The following CHCHD3 variants were observed in gnomAD, a reference collection of about 807,000 sequenced individuals.
CHCHD3 encodes the protein MICOS complex subunit MIC19.
Under a neutral mutation model 38.2 loss-of-function variants are expected in CHCHD3, and 20 were observed. The ratio of observed to expected loss-of-function variants is 0.52; its 90% CI spans 0.37 to 0.76. CHCHD3 has a LOEUF of 0.76. Among genes scored for constraint, CHCHD3 ranks in the 30% least tolerant of loss-of-function variants. The pLI is 0.00. For missense variants in CHCHD3, 245 were observed against 279.2 expected (o/e 0.88, Z 0.87); for synonymous variants, 82 against 100.0 (o/e 0.82, Z 1.07).
chr7:133,023,814 A>G (rs1813257618), intron 3 of CHCHD3, among the ~76,000 whole-genome samples: 1 of 152,226 alleles, frequency 6.6e-6, no homozygotes, highest in Non-Finnish European at 1.5e-5. Context: ...ACACAGGGCT[A>G]TAACTGATGG....
chr7:133,081,304 G>A (rs779308962), intron 1 of CHCHD3, among the ~76,000 whole-genome samples: 1 of 151,828 alleles, frequency 6.6e-6, no homozygotes, highest in Non-Finnish European at 1.5e-5. Context: ...GAAGCAGGGA[G>A]AAGCCAGAAG....
chr7:132,897,924 G>T (rs1452579113), intron 4 of CHCHD3, among the ~76,000 whole-genome samples: 6 of 152,176 alleles, frequency 3.9e-5, no homozygotes, highest in Non-Finnish European at 8.8e-5. Flanking sequence ...TCCGGAGTTT[G>T]TTCCTTCTGA....
intron 1 of CHCHD3, among the ~76,000 whole-genome samples, chr7:133,072,517 G>A (rs770209269): frequency 6.6e-6 from 1 of 152,018 alleles, no homozygotes; most frequent in Non-Finnish European, 1.5e-5. Flanking sequence ...GCAGAGGAAG[G>A]ATTCAAACCC....
intron 4 of CHCHD3, among the ~76,000 whole-genome samples, chr7:132,943,536 A>G (rs1201431246): frequency 6.6e-6 from 1 of 152,142 alleles, no homozygotes; most frequent in Non-Finnish European, 1.5e-5. Context: ...CTGGTGAGAT[A>G]CCACATGCCA....
At chr7:133,010,813 A>G (rs1023123520) in intron 3 of CHCHD3, among the ~76,000 whole-genome samples, 10 of 152,220 alleles carry the variant, frequency 6.6e-5, no homozygotes, top group Non-Finnish European at 1.0e-4. Context: ...TCCTGACCTC[A>G]GGTGATCCGC....
intron 7 of CHCHD3, among the ~76,000 whole-genome samples, chr7:132,794,863 C>T (rs1806564060): frequency 6.6e-6 from 1 of 152,224 alleles, no homozygotes; most frequent in South Asian, 2.1e-4. Context: ...ACTCAAGCCC[C>T]AAGGTCACAG....
At chr7:132,913,726 G>A (rs1810025645) in intron 4 of CHCHD3, among the ~76,000 whole-genome samples, 1 of 152,124 alleles carries the variant, frequency 6.6e-6, no homozygotes, top group Non-Finnish European at 1.5e-5. Context: ...GGCACCACAG[G>A]GGGCTCAGGC....
At chr7:132,879,434 C>T (rs1471416384) in intron 5 of CHCHD3, among the ~76,000 whole-genome samples, 1 of 152,016 alleles carries the variant, frequency 6.6e-6, no homozygotes, top group African/African-American at 2.4e-5. Flanking sequence ...AAAGTGGATG[C>T]CATAGAGCAA....
chr7:132,948,189 C>T (rs1359661005), intron 4 of CHCHD3, among the ~76,000 whole-genome samples: 2 of 152,078 alleles, frequency 1.3e-5, no homozygotes, highest in African/African-American at 4.8e-5. Context: ...ACTTTACAGT[C>T]ACTCCCCATC....
intron 2 of CHCHD3, among the ~76,000 whole-genome samples, chr7:133,040,436 G>A (rs1286073381): frequency 6.6e-6 from 1 of 152,002 alleles, no homozygotes; most frequent in Non-Finnish European, 1.5e-5. Flanking sequence ...CCAGTACTGG[G>A]GTGAGAAAAC....
At chr7:133,051,997 GC>G (rs1234455705) in intron 2 of CHCHD3, 4 of 152,152 alleles carry the variant, frequency 2.6e-5, no homozygotes, top group African/African-American at 9.7e-5. Context: ...AGGTAAAACA[GC>G]CAGTTGGTTA....
intron 4 of CHCHD3, among the ~76,000 whole-genome samples, chr7:132,931,968 G>C (rs1810525412): frequency 1.3e-5 from 2 of 152,238 alleles, no homozygotes; most frequent in South Asian, 2.1e-4. Flanking sequence ...GTCAGAAATA[G>C]AACAAAATTT....
intron 6 of CHCHD3, among the ~76,000 whole-genome samples, chr7:132,811,648 A>G (rs879806220): frequency 2.6e-5 from 4 of 152,192 alleles, no homozygotes; most frequent in Admixed American, 2.0e-4. Flanking sequence ...AAATCCAATG[A>G]TTTTTAGTAG....
intron 3 of CHCHD3, among the ~76,000 whole-genome samples, chr7:133,011,498 T>C (rs536207825): frequency 1.2e-4 from 18 of 152,312 alleles, no homozygotes; most frequent in African/African-American, 4.3e-4. Flanking sequence ...GGCTGTCCAG[T>C]GCACTGTAGG....
intron 4 of CHCHD3, among the ~76,000 whole-genome samples, chr7:132,939,102 C>T (rs1262587247): frequency 6.6e-6 from 1 of 152,120 alleles, no homozygotes; most frequent in Non-Finnish European, 1.5e-5. Flanking sequence ...TCTCGGTCAA[C>T]GATGGAGCAC....
intron 4 of CHCHD3, among the ~76,000 whole-genome samples, chr7:132,957,965 G>C (rs758115239): frequency 1.3e-5 from 2 of 152,136 alleles, no homozygotes; most frequent in East Asian, 1.9e-4. Context: ...ACAGACTTAC[G>C]AATCAACCAA....
In CHCHD3 at chr7:132,895,493, G is replaced by A. The variant is rs553013144; in HGVS notation, c.370-9748C>T. ...TCTGTGGAAAACCACAGGTTTAAGA[G>A]GTGATATGGTTTGGCTGTGTCCCCA... On this transcript the variant is annotated intron_variant, in intron 4 of 7. Coordinates refer to ENST00000262570, the MANE Select transcript of CHCHD3 (RefSeq NM_017812.4). Among the ~76,000 whole-genome samples, 6 of 152,354 alleles carry A rather than the reference G, an allele frequency of 3.9e-5. 1 individual carries two copies. In the South Asian group the frequency reaches 1.2e-3, roughly 32 times the overall value.
chr7:132,984,518 C>T (rs1812028089), intron 3 of CHCHD3, among the ~76,000 whole-genome samples: 1 of 147,060 alleles, frequency 6.8e-6, no homozygotes, highest in African/African-American at 2.5e-5. Context: ...CTCTGCCTGG[C>T]CGCCCATCGT....
intron 6 of CHCHD3, among the ~76,000 whole-genome samples, chr7:132,797,562 TC>T (rs1806651427): frequency 6.6e-6 from 1 of 152,210 alleles, no homozygotes; most frequent in South Asian, 2.1e-4. Context: ...CTTTGTTACC[TC>T]AGCTATTAGA....
Sources: allele counts gnomAD v4.1 joint callset (sites outside exome capture counted in the v4.1 genomes callset), GRCh38; gene constraint gnomAD v4.1.1; transcripts MANE v1.5; gene names NCBI Gene and HGNC (gene_info 2026-07-23, HGNC 2026-07-21).